Variants in ERICH3 observed in about 807,000 individuals in gnomAD.
ERICH3 encodes glutamate rich 3, also known as glutamate-rich protein 3.
A neutral mutation model predicts 131.1 loss-of-function variants in ERICH3; 126 were observed. That is an observed-to-expected ratio of 0.96 (90% CI 0.83 to 1.11). The LOEUF is 1.11. Ranked by LOEUF, ERICH3 falls within the 50% of genes most tolerant of loss-of-function variation. ERICH3 has a pLI of 0.00. For synonymous variants in ERICH3, 695 were observed against 644.6 expected (o/e 1.08, Z -1.18); for missense variants, 2,050 against 1,810.7 (o/e 1.13, Z -2.40).
At chr1:74,586,448 G>C (rs1262813565) in intron 12 of ERICH3, 1 of 984,462 alleles carries the variant, frequency 1.0e-6, no homozygotes, top group Non-Finnish European at 1.2e-6. Flanking sequence ...TGGAGAAAAA[G>C]AGTAAAGGTT....
intron 12 of ERICH3, among the ~76,000 whole-genome samples, chr1:74,588,633 A>C (rs1417052232): frequency 6.6e-6 from 1 of 152,112 alleles, no homozygotes; most frequent in African/African-American, 2.4e-5. Context: ...TCCTGCATTG[A>C]CAGGGGAGAC....
At chr1:74,660,491 A>G (rs1646630198) in intron 1 of ERICH3, among the ~76,000 whole-genome samples, 1 of 151,308 alleles carries the variant, frequency 6.6e-6, no homozygotes, top group African/African-American at 2.4e-5. Flanking sequence ...CTTGGAACAC[A>G]GTCTTTTATA....
chr1:74,573,319 C>A lies in ERICH3; in HGVS notation c.2391G>T (p.Leu797=). 6.2e-7 allele frequency: 1 copy of A among 1,604,558 alleles called. No homozygotes were observed. Among genetic ancestry groups the A allele is most frequent in the Non-Finnish European group, 8.5e-7 (1 of 1,176,308 alleles). ...CATGAACAGCTCCTGCTTCTCCCCACAGTGCTGCCTCCCCTTTTCCCTGTA... is the reference window on the plus strand; with the variant it reads ...CATGAACAGCTCCTGCTTCTCCCCAAAGTGCTGCCTCCCCTTTTCCCTGTA... ...DIVQGKGEAA[L]WGEAGAVHEA... Residue 797 remains leucine, a synonymous_variant, in exon 14 of 15, where the codon CTG becomes CTT. Coordinates refer to ENST00000326665, the MANE Select transcript of ERICH3 (RefSeq NM_001002912.5).
intron 7 of ERICH3, chr1:74,623,537 T>G (rs1015402136): frequency 1.3e-5 from 2 of 152,096 alleles, no homozygotes; most frequent in Non-Finnish European, 2.9e-5. Flanking sequence ...CATCCAAACT[T>G]GGACACATAG....
intron 1 of ERICH3, among the ~76,000 whole-genome samples, chr1:74,666,132 T>A (rs747418847): frequency 6.6e-6 from 1 of 152,138 alleles, no homozygotes; most frequent in Non-Finnish European, 1.5e-5. Flanking sequence ...AAGAGGATAA[T>A]GAGGATCTCT....
Position 74,589,264 on chromosome 1 carries a change from A to G in ERICH3, c.2176+367T>C, listed in dbSNP as rs1009185688. 4 of 349,890 alleles carry G rather than the reference A, an allele frequency of 1.1e-5. No individual in the cohort carries two copies. In the South Asian group the frequency reaches 3.1e-4, roughly 27 times the overall value. 21.7% of individuals were successfully genotyped at this position (349,890 alleles called of 1,614,324 possible). On this transcript the variant is annotated intron_variant, in intron 12 of 14. Coordinates refer to ENST00000326665, the MANE Select transcript of ERICH3 (RefSeq NM_001002912.5). ...ACATTAGCTATATATCTGAAACTCC[A>G]TATATAGCTAAAAACAAATAGTATT...
intron 10 of ERICH3, among the ~76,000 whole-genome samples, chr1:74,601,434 C>A (rs187436736): frequency 8.3e-4 from 126 of 151,954 alleles, no homozygotes; most frequent in African/African-American, 2.9e-3. Context: ...ACAAGAAATA[C>A]TGTACTCACT....
At chr1:74,650,465 T>C (rs1308666300) in intron 1 of ERICH3, among the ~76,000 whole-genome samples, 1 of 152,130 alleles carries the variant, frequency 6.6e-6, no homozygotes, top group East Asian at 1.9e-4. Flanking sequence ...GACATATACA[T>C]AGATGTTAGT....
chr1:74,612,859 A>C (rs2100597771), intron 8 of ERICH3, 50 bp from the exon 9 acceptor site: 1 of 1,435,830 alleles, frequency 7.0e-7, no homozygotes, highest in Non-Finnish European at 9.6e-7. Context: ...CTTCGGACTA[A>C]CATCTGTTAA....
chr1:74,650,836 G>C (rs1646527076), intron 1 of ERICH3, among the ~76,000 whole-genome samples: 1 of 16,868 alleles, frequency 5.9e-5, no homozygotes, highest in South Asian at 1.6e-3. Flanking sequence ...GGGGACTACT[G>C]TGTGTGTGTG....
intron 9 of ERICH3, among the ~76,000 whole-genome samples, chr1:74,609,978 G>T (rs763940357): frequency 6.6e-6 from 1 of 151,996 alleles, no homozygotes; most frequent in East Asian, 1.9e-4. Context: ...TCCACAGAAA[G>T]TGCTCAGGGC....
At chr1:74,616,725 C>A (rs534486946) in intron 8 of ERICH3, among the ~76,000 whole-genome samples, 2 of 152,050 alleles carry the variant, frequency 1.3e-5, no homozygotes, top group South Asian at 4.2e-4. Context: ...ATGAGATCAT[C>A]CTGGATTTAA....
At position 74,589,820 on chromosome 1, in the gene ERICH3, C is replaced by T. The variant is rs751252472; in HGVS notation, c.1987G>A (p.Glu663Lys). Residue 663 changes from glutamate (E) to lysine (K), a missense_variant, in exon 12 of 15, where the codon GAA becomes AAA. Transcript: ENST00000326665. ...DVETKPMPID[E>K]SFENVLKEGT... ...TCTTTAAGAACATTCTCAAAGCTTTCGTCTATTGGCATCGGCTTGGTCTCC... is the reference window on the plus strand; with the variant it reads ...TCTTTAAGAACATTCTCAAAGCTTTTGTCTATTGGCATCGGCTTGGTCTCC... 1.1e-5 allele frequency: 18 copies of T among 1,613,940 alleles called. No individual in the cohort carries two copies. The highest frequency in any genetic ancestry group is 8.9e-5 in the East Asian group (4 of 44,886).
chr1:74,672,145 C>G (rs113944677), intron 1 of ERICH3, among the ~76,000 whole-genome samples: 2 of 152,160 alleles, frequency 1.3e-5, no homozygotes, highest in East Asian at 3.8e-4. Flanking sequence ...CAGATTCTAA[C>G]TAGCCAAAAA....
intron 1 of ERICH3, among the ~76,000 whole-genome samples, chr1:74,661,092 A>G (rs1646637616): frequency 6.6e-6 from 1 of 152,136 alleles, no homozygotes; most frequent in Non-Finnish European, 1.5e-5. Flanking sequence ...TTGAGAAGGA[A>G]AATATAATCA....
chr1:74,607,052 TAAAA>T, intron 9 of ERICH3, 150 bp from the exon 10 acceptor site: 1 of 546,730 alleles, frequency 1.8e-6, no homozygotes, highest in Non-Finnish European at 2.9e-6. Flanking sequence ...AATAAACAAT[TAAAA>T]AAGCTAATTA....
chr1:74,582,808 A>T (rs1647202020), intron 12 of ERICH3, among the ~76,000 whole-genome samples: 1 of 152,162 alleles, frequency 6.6e-6, no homozygotes, highest in Non-Finnish European at 1.5e-5. Flanking sequence ...ATATTTTGGA[A>T]TTTTTCAGGT....
chr1:74,574,204 TG>T (rs1339137639), intron 13 of ERICH3, among the ~76,000 whole-genome samples: 1 of 152,118 alleles, frequency 6.6e-6, no homozygotes, highest in Non-Finnish European at 1.5e-5. Flanking sequence ...GGTCTTTCCA[TG>T]TTGCCCTGGC....
At chr1:74,667,806 T>C (rs554801048) in intron 1 of ERICH3, among the ~76,000 whole-genome samples, 7 of 152,178 alleles carry the variant, frequency 4.6e-5, no homozygotes, top group Non-Finnish European at 1.0e-4. Context: ...GGATAGTTGA[T>C]ATCGTTTGGC....
Sources: gnomAD v4.1 joint callset for allele counts (sites outside exome capture counted in the v4.1 genomes callset) on GRCh38, gnomAD v4.1.1 for gene constraint, MANE v1.5 for transcripts, NCBI Gene and HGNC (gene_info 2026-07-23, HGNC 2026-07-21) for gene names.